SRGAP2B: variants seen among roughly 807,000 people sequenced by gnomAD.
SRGAP2B encodes the protein SLIT-ROBO Rho GTPase-activating protein 2B.
A neutral mutation model predicts 22.2 loss-of-function variants in SRGAP2B; 9 were observed. That is an observed-to-expected ratio of 0.41 (90% CI 0.24 to 0.71). SRGAP2B has a LOEUF of 0.71. Among genes scored for constraint, SRGAP2B ranks in the 30% least tolerant of loss-of-function variants. The pLI, the probability that SRGAP2B is intolerant of heterozygous loss-of-function variation, is 0.35. For synonymous variants in SRGAP2B, 36 were observed against 87.4 expected (o/e 0.41, Z 3.28); for missense variants, 114 against 235.8 (o/e 0.48, Z 3.38).
intron 4 of SRGAP2B, among the ~76,000 whole-genome samples, chr1:144,930,519 T>A (rs1269744672): frequency 6.9e-6 from 1 of 144,638 alleles, no homozygotes; most frequent in African/African-American, 2.7e-5. Flanking sequence ...ATGGAGGAAC[T>A]CTACAAGAAA....
At chr1:145,026,751 T>TC (rs1452842633) in intron 2 of SRGAP2B, among the ~76,000 whole-genome samples, 1 of 146,746 alleles carries the variant, frequency 6.8e-6, no homozygotes, top group Non-Finnish European at 1.5e-5. Context: ...TATAGGTTCT[T>TC]CCCCATGAGT....
chr1:144,907,814 T>C (rs1209358066), intron 5 of SRGAP2B, among the ~76,000 whole-genome samples: 4 of 150,274 alleles, frequency 2.7e-5, no homozygotes, highest in Non-Finnish European at 4.4e-5. Context: ...TACGATCAGC[T>C]AGAGGCAGAC....
At chr1:145,070,033 CTTTT>C (rs372504712) in intron 2 of SRGAP2B, among the ~76,000 whole-genome samples, 5 of 141,534 alleles carry the variant, frequency 3.5e-5, no homozygotes, top group African/African-American at 1.0e-4. Context: ...GGAATGTCAT[CTTTT>C]TTTTTTTTTT....
intron 1 of SRGAP2B, among the ~76,000 whole-genome samples, chr1:145,093,708 G>T (rs1347476724): frequency 6.7e-6 from 1 of 148,756 alleles, no homozygotes; most frequent in Admixed American, 6.6e-5. Context: ...ACCGGGCGGG[G>T]AATGCGGCAC....
At chr1:145,010,646 T>C (rs1191102907) in intron 2 of SRGAP2B, among the ~76,000 whole-genome samples, 1 of 150,346 alleles carries the variant, frequency 6.7e-6, no homozygotes, top group Non-Finnish European at 1.5e-5. Context: ...TTTTTATTTT[T>C]ATAGTACATA....
intron 3 of SRGAP2B, 52 bp downstream of exon 3, chr1:144,994,956 C>T (rs1670556290): frequency 2.9e-6 from 3 of 1,017,944 alleles, no homozygotes; most frequent in South Asian, 3.5e-5. Flanking sequence ...CCCCCTCCAC[C>T]CTGGACCCCA....
intron 2 of SRGAP2B, among the ~76,000 whole-genome samples, chr1:145,036,454 T>C (rs1648728797): frequency 1.2e-5 from 1 of 86,194 alleles, no homozygotes; most frequent in Non-Finnish European, 2.2e-5. Context: ...ATAATATTAA[T>C]AGTATCAGCT....
chr1:144,892,239 GGC>G lies in SRGAP2B; in HGVS notation c.1296_1297del (p.Lys432AsnfsTer5). Reference sequence around the variant, plus strand: ...GTTGGCTCTCCTCTTAGCAATGCTGGGCTTGCTCATGAAGGTTTCAGAGACCG... The same window carrying G: ...GTTGGCTCTCCTCTTAGCAATGCTGGTTGCTCATGAAGGTTTCAGAGACCG... On this transcript the variant is annotated frameshift_variant, in exon 10 of 10. Transcript: ENST00000612199. LOFTEE classifies it high-confidence loss of function. 1 of 777,076 alleles carries G rather than the reference GGC, an allele frequency of 1.3e-6. No individual in the cohort carries two copies. The allele number at this position is 777,076 out of a possible 1,614,324, so 48.1% of individuals were successfully genotyped here.
intron 8 of SRGAP2B, among the ~76,000 whole-genome samples, chr1:144,893,973 G>A (rs1331122046): frequency 1.4e-5 from 2 of 142,818 alleles, no homozygotes; most frequent in Non-Finnish European, 3.0e-5. Context: ...ACAAATCCAG[G>A]CCATGCATGA....
intron 2 of SRGAP2B, among the ~76,000 whole-genome samples, chr1:145,011,525 T>C (rs1301504752): frequency 6.6e-6 from 1 of 150,640 alleles, no homozygotes; most frequent in Non-Finnish European, 1.5e-5. Flanking sequence ...CCTGAACTCT[T>C]GACACCCCAT....
chr1:144,950,585 A>T (rs587595349), intron 4 of SRGAP2B, among the ~76,000 whole-genome samples: 19 of 133,564 alleles, frequency 1.4e-4, no homozygotes, highest in Non-Finnish European at 2.7e-4. Context: ...GCTTGCCCCA[A>T]CCCCAGGTAG....
At chr1:144,924,207 C>T (rs1263853817) in intron 4 of SRGAP2B, among the ~76,000 whole-genome samples, 1 of 147,642 alleles carries the variant, frequency 6.8e-6, no homozygotes, top group African/African-American at 2.6e-5. Flanking sequence ...GTAGCCATTC[C>T]CATTAGTCAT....
intron 3 of SRGAP2B, among the ~76,000 whole-genome samples, chr1:144,983,728 ACT>A (rs1669483827): frequency 7.1e-6 from 1 of 140,964 alleles, no homozygotes; most frequent in African/African-American, 2.8e-5. Flanking sequence ...TCCTTTATAC[ACT>A]CTGTAATCTG....
intron 4 of SRGAP2B, among the ~76,000 whole-genome samples, chr1:144,925,195 G>A (rs1553604785): frequency 1.3e-5 from 2 of 150,276 alleles, no homozygotes; most frequent in East Asian, 1.9e-4. Flanking sequence ...TAAAGACAGA[G>A]AGTTTCACTA....
At chr1:144,953,924 G>A (rs1382973396) in intron 4 of SRGAP2B, among the ~76,000 whole-genome samples, 3 of 147,304 alleles carry the variant, frequency 2.0e-5, no homozygotes, top group Admixed American at 1.4e-4. Context: ...GGCTGTCAAG[G>A]TCATAGAGAC....
intron 4 of SRGAP2B, among the ~76,000 whole-genome samples, chr1:144,924,462 C>T (rs372326046): frequency 0.011 from 1,635 of 148,036 alleles, 8 homozygotes; most frequent in Non-Finnish European, 0.017. Context: ...TGTATCTGGC[C>T]GGGCGCGGTG....
intron 2 of SRGAP2B, among the ~76,000 whole-genome samples, chr1:144,998,761 G>A (rs587675575): frequency 5.3e-5 from 8 of 151,080 alleles, no homozygotes; most frequent in East Asian, 1.9e-4. Context: ...ACTCTTAGGC[G>A]TACAGCTCCA....
At chr1:145,058,917 C>A (rs1650708247) in intron 2 of SRGAP2B, among the ~76,000 whole-genome samples, 3 of 140,256 alleles carry the variant, frequency 2.1e-5, no homozygotes, top group Non-Finnish European at 4.6e-5. Flanking sequence ...AGCCACCGTG[C>A]CTGGCCCAAT....
chr1:145,012,450 C>T (rs1353047464), intron 2 of SRGAP2B, among the ~76,000 whole-genome samples: 2 of 144,522 alleles, frequency 1.4e-5, no homozygotes, highest in African/African-American at 2.7e-5. Context: ...AAAAAGGAAA[C>T]CCATCAAAAA....
Sources: gnomAD v4.1 joint callset for allele counts (sites outside exome capture counted in the v4.1 genomes callset) on GRCh38, gnomAD v4.1.1 for gene constraint, MANE v1.5 for transcripts, NCBI Gene and HGNC (gene_info 2026-07-23, HGNC 2026-07-21) for gene names.